Variants in FANCD2OS observed in about 807,000 individuals in gnomAD.
FANCD2OS encodes FANCD2 opposite strand protein.
Under a neutral mutation model 13.2 loss-of-function variants are expected in FANCD2OS, and 11 were observed. The ratio of observed to expected loss-of-function variants is 0.83; its 90% CI spans 0.52 to 1.38. The LOEUF is 1.38. FANCD2OS is among the 40% of genes most tolerant of loss of function. FANCD2OS has a pLI of 0.00. For missense variants in FANCD2OS, 217 were observed against 213.9 expected (o/e 1.01, Z -0.09); for synonymous variants, 69 against 84.5 (o/e 0.82, Z 1.01).
downstream of FANCD2OS, chr3:10,098,938 A>G: frequency 6.2e-7 from 1 of 1,614,210 alleles, no homozygotes; most frequent in Non-Finnish European, 8.5e-7. Flanking sequence ...GCCCATTTCC[A>G]TTCCCTCCAT....
intron 2 of FANCD2OS, among the ~76,000 whole-genome samples, chr3:10,094,705 T>TA (rs745760607): frequency 1.8e-4 from 27 of 151,228 alleles, no homozygotes; most frequent in Admixed American, 7.9e-4. Context: ...AGAAATGATT[T>TA]TAAAAAAAAA....
At chr3:10,081,933 A>G (rs1370922819) in intron 2 of FANCD2OS, among the ~76,000 whole-genome samples, 1 of 152,224 alleles carries the variant, frequency 6.6e-6, no homozygotes, top group African/African-American at 2.4e-5. Context: ...TGCCCCTTAA[A>G]TACTTTTGTT....
At chr3:10,091,052 C>G (rs1174692978) in intron 2 of FANCD2OS, among the ~76,000 whole-genome samples, 2 of 151,792 alleles carry the variant, frequency 1.3e-5, no homozygotes, top group African/African-American at 4.8e-5. Flanking sequence ...CATAGGGAAG[C>G]AGAGAAGCTA....
chr3:10,083,887 C>G (rs1421916075), intron 2 of FANCD2OS, among the ~76,000 whole-genome samples: 1 of 43,842 alleles, frequency 2.3e-5, no homozygotes, highest in Non-Finnish European at 4.8e-5. Flanking sequence ...GACTCCGTCT[C>G]AAAAAAAAAA....
chr3:10,089,611 A>G (rs1389057242), intron 2 of FANCD2OS, among the ~76,000 whole-genome samples: 1 of 152,096 alleles, frequency 6.6e-6, no homozygotes, highest in Non-Finnish European at 1.5e-5. Context: ...CTGGGATTAT[A>G]GGCACCCACC....
chr3:10,105,610 C>T (rs1286550901), intron 1 of FANCD2OS, among the ~76,000 whole-genome samples: 3 of 150,514 alleles, frequency 2.0e-5, no homozygotes, highest in East Asian at 2.0e-4. Flanking sequence ...ATTAGCCGGG[C>T]GTGGTGGCGC....
At chr3:10,092,333 T>G in intron 2 of FANCD2OS, 1 of 1,067,596 alleles carries the variant, frequency 9.4e-7, no homozygotes, top group East Asian at 2.4e-5. Context: ...GGACTTTCCT[T>G]GCTCCTCTTC....
At chr3:10,105,242 C>A (rs1304634952) in intron 1 of FANCD2OS, among the ~76,000 whole-genome samples, 3 of 152,176 alleles carry the variant, frequency 2.0e-5, no homozygotes, top group Non-Finnish European at 2.9e-5. Context: ...TTATATTAAA[C>A]TTTTTCACAA....
At chr3:10,098,984 G>A (rs756355001), downstream of FANCD2OS, 1 of 1,613,976 alleles carries the variant, frequency 6.2e-7, no homozygotes, top group Admixed American at 1.7e-5. Context: ...TTGGGACCCA[G>A]AAGAAACAAC....
At chr3:10,107,404 C>T (rs1695528288) in intron 1 of FANCD2OS, among the ~76,000 whole-genome samples, 1 of 152,020 alleles carries the variant, frequency 6.6e-6, no homozygotes, top group Non-Finnish European at 1.5e-5. Flanking sequence ...TCTCCTGCCT[C>T]AGCCTCCCGT....
chr3:10,093,870 CT>C (rs1203141322), intron 2 of FANCD2OS, among the ~76,000 whole-genome samples: 2 of 152,212 alleles, frequency 1.3e-5, no homozygotes, highest in African/African-American at 4.8e-5. Flanking sequence ...TTACTCCACC[CT>C]TGCGCAATGT....
At chr3:10,094,735 A>C in intron 2 of FANCD2OS, 2 of 324,376 alleles carry the variant, frequency 6.2e-6, no homozygotes, top group Admixed American at 9.1e-5. Context: ...TTGTGTCATA[A>C]AACCCTTTGC....
intron 2 of FANCD2OS, chr3:10,088,778 T>TGTATTCTACTTTGTTAATTAGTGGGTCAA (rs748776499): frequency 1.6e-5 from 25 of 1,596,542 alleles, no homozygotes; most frequent in African/African-American, 2.7e-5. Context: ...AATCTGTAGT[T>TGTATTCTACTTTGTTAATTAGTGGGTCAA]GTATTCTACT....
At chr3:10,103,400 C>A (rs1239244996), downstream of FANCD2OS, among the ~76,000 whole-genome samples, 1 of 152,080 alleles carries the variant, frequency 6.6e-6, no homozygotes, top group Non-Finnish European at 1.5e-5. Flanking sequence ...AAAACTCCAT[C>A]TCAAAAAATA....
intron 2 of FANCD2OS, chr3:10,094,431 C>T: frequency 7.4e-7 from 1 of 1,351,606 alleles, no homozygotes. Flanking sequence ...TCCTTGGTGA[C>T]TCCTGGGTGG....
At chr3:10,105,766 AAAAAATTATATATATAT>A (rs1451007092) in intron 1 of FANCD2OS, among the ~76,000 whole-genome samples, 10 of 58,704 alleles carry the variant, frequency 1.7e-4, no homozygotes, top group Admixed American at 1.5e-3. Context: ...AAAAAAAAAA[AAAAAATTATATATATAT>A]ATATATATAT....
At chr3:10,081,901 A>G (rs542311562) in intron 2 of FANCD2OS, among the ~76,000 whole-genome samples, 1 of 152,330 alleles carries the variant, frequency 6.6e-6, no homozygotes, top group African/African-American at 2.4e-5. Flanking sequence ...CAACATGGAC[A>G]AAAGTAGAAC....
intron 2 of FANCD2OS, among the ~76,000 whole-genome samples, chr3:10,091,269 C>T (rs1383474512): frequency 4.0e-5 from 6 of 151,256 alleles, no homozygotes; most frequent in African/African-American, 1.5e-4. Context: ...TTAGTAGAGG[C>T]GGGGTTTTGT....
chr3:10,088,829 A>G, intron 2 of FANCD2OS: 1 of 1,614,108 alleles, frequency 6.2e-7, no homozygotes, highest in Admixed American at 1.7e-5. Flanking sequence ...TCAATGCAGT[A>G]TCTACCTGGA....
Sources: allele counts gnomAD v4.1 joint callset (sites outside exome capture counted in the v4.1 genomes callset), GRCh38; gene constraint gnomAD v4.1.1; transcripts MANE v1.5; gene names NCBI Gene and HGNC (gene_info 2026-07-23, HGNC 2026-07-21).